ZNF804A: variants seen among roughly 807,000 people sequenced by gnomAD.
The protein encoded by ZNF804A is zinc finger protein 804A.
ZNF804A carries 2 observed loss-of-function variants against 16.5 expected under a neutral mutation model. The ratio of observed to expected loss-of-function variants is 0.12; its 90% CI spans 0.05 to 0.38. The LOEUF (loss-of-function observed/expected upper bound fraction) is 0.38, where lower values mean the gene tolerates loss of function less well. ZNF804A is among the 10% of genes least tolerant of loss of function. The pLI is 0.99. For synonymous variants in ZNF804A, 534 were observed against 489.6 expected (o/e 1.09, Z -1.20); for missense variants, 1,473 against 1,390.7 (o/e 1.06, Z -0.94).
At chr2:184,742,133 GA>G in intron 1 of ZNF804A, among the ~76,000 whole-genome samples, 1 of 151,866 alleles carries the variant, frequency 6.6e-6, no homozygotes, top group Non-Finnish European at 1.5e-5. Flanking sequence ...AGATCATTTT[GA>G]AAAAAGTAAC....
At chr2:184,845,163 T>C (rs1263890356) in intron 1 of ZNF804A, among the ~76,000 whole-genome samples, 2 of 152,254 alleles carry the variant, frequency 1.3e-5, no homozygotes, top group Admixed American at 1.3e-4. Context: ...CATAGTTACA[T>C]TAAATTTTCT....
rs185440132 is a variant in ZNF804A, at chr2:184,704,201, G to A, written c.111+105131G>A. 1.9e-3 allele frequency among the ~76,000 whole-genome samples: 295 copies of A among 151,606 alleles called. 1 individual carries two copies. The highest frequency in any genetic ancestry group is 4.6e-3 in the South Asian group (22 of 4,774). On this transcript the variant is annotated intron_variant, in intron 1 of 3. Transcript: ENST00000302277. ...AGTTTCACTCTTGTTGCCCAGGCTG[G>A]AGTGCAGTGGCGCCATCTCTACTCA...
At chr2:184,671,303 A>G (rs925483927) in intron 1 of ZNF804A, among the ~76,000 whole-genome samples, 2 of 152,206 alleles carry the variant, frequency 1.3e-5, no homozygotes, top group Non-Finnish European at 1.5e-5. Flanking sequence ...GAACCTTTCA[A>G]TAGTTTTATT....
intron 1 of ZNF804A, among the ~76,000 whole-genome samples, chr2:184,662,326 A>G (rs575498940): frequency 6.6e-6 from 1 of 152,330 alleles, no homozygotes; most frequent in South Asian, 2.1e-4. Flanking sequence ...ATGTAATAAT[A>G]GACTATATAC....
At chr2:184,726,914 A>G (rs1419244495) in intron 1 of ZNF804A, among the ~76,000 whole-genome samples, 1 of 151,622 alleles carries the variant, frequency 6.6e-6, no homozygotes, top group Non-Finnish European at 1.5e-5. Flanking sequence ...TGTTTTTAGT[A>G]TAATGCATGT....
At chr2:184,603,295 T>A (rs571524818) in intron 1 of ZNF804A, among the ~76,000 whole-genome samples, 1 of 152,148 alleles carries the variant, frequency 6.6e-6, no homozygotes, top group Non-Finnish European at 1.5e-5. Context: ...TCATTTTGAA[T>A]CTGTTAAAAA....
chr2:184,887,003 T>C (rs1684901996), intron 2 of ZNF804A, among the ~76,000 whole-genome samples: 1 of 152,248 alleles, frequency 6.6e-6, no homozygotes, highest in Admixed American at 6.5e-5. Context: ...AACGAGATTT[T>C]CCTTCCTATC....
chr2:184,720,059 C>A (rs980292933), intron 1 of ZNF804A, among the ~76,000 whole-genome samples: 9 of 152,152 alleles, frequency 5.9e-5, no homozygotes, highest in Admixed American at 5.9e-4. Flanking sequence ...GCCTCATAAT[C>A]ATGGCAGAAA....
At chr2:184,916,107 A>G (rs1177679764) in intron 2 of ZNF804A, among the ~76,000 whole-genome samples, 1 of 152,178 alleles carries the variant, frequency 6.6e-6, no homozygotes, top group African/African-American at 2.4e-5. Flanking sequence ...TTACTTCTCT[A>G]CAAGGTAAAA....
intron 1 of ZNF804A, among the ~76,000 whole-genome samples, chr2:184,611,279 T>A (rs944284515): frequency 1.3e-5 from 2 of 152,164 alleles, no homozygotes; most frequent in African/African-American, 4.8e-5. Context: ...CATATACTTT[T>A]TTTGGGGGAG....
chr2:184,850,611 C>A (rs1274621703), intron 1 of ZNF804A, among the ~76,000 whole-genome samples: 1 of 150,496 alleles, frequency 6.6e-6, no homozygotes, highest in East Asian at 1.9e-4. Context: ...TTTTAACTTT[C>A]TCTCTTAAGA....
intron 1 of ZNF804A, among the ~76,000 whole-genome samples, chr2:184,813,680 C>A (rs544828116): frequency 6.6e-6 from 1 of 151,856 alleles, no homozygotes; most frequent in Non-Finnish European, 1.5e-5. Flanking sequence ...TTTATTTAAC[C>A]ATCTGCCCAG....
At chr2:184,606,699 A>G (rs1347344406) in intron 1 of ZNF804A, among the ~76,000 whole-genome samples, 2 of 152,206 alleles carry the variant, frequency 1.3e-5, no homozygotes, top group Non-Finnish European at 2.9e-5. Context: ...TTTCTGGAGA[A>G]AAAATTCTAC....
intron 1 of ZNF804A, among the ~76,000 whole-genome samples, chr2:184,656,705 CATATATACACAT>C (rs1311761680): frequency 6.6e-5 from 10 of 151,604 alleles, no homozygotes; most frequent in East Asian, 1.9e-4. Flanking sequence ...CACACCCATA[CATATATACACAT>C]ATATATACAC....
intron 1 of ZNF804A, among the ~76,000 whole-genome samples, chr2:184,648,573 T>C (rs186859481): frequency 6.6e-6 from 1 of 152,080 alleles, no homozygotes; most frequent in African/African-American, 2.4e-5. Flanking sequence ...ACCCATAGGC[T>C]CACAGTAAAG....
chr2:184,668,488 A>G lies in ZNF804A; in HGVS notation c.111+69418A>G, dbSNP rs114225977. On this transcript the variant is annotated intron_variant, in intron 1 of 3. Coordinates refer to ENST00000302277, the MANE Select transcript of ZNF804A (RefSeq NM_194250.2). Reference sequence around the variant, plus strand: ...TGAAATAATGTTATTACTTCTCTCCATCAACAAATTAGCAGAAGAAAATGT... The same window carrying G: ...TGAAATAATGTTATTACTTCTCTCCGTCAACAAATTAGCAGAAGAAAATGT... Among the ~76,000 whole-genome samples, 902 of 152,066 alleles carry G rather than the reference A, an allele frequency of 5.9e-3. 17 individuals are homozygous for G. Among genetic ancestry groups the G allele is most frequent in the African/African-American group, 0.02 (839 of 41,552 alleles).
intron 1 of ZNF804A, among the ~76,000 whole-genome samples, chr2:184,859,166 A>G (rs2105807772): frequency 6.6e-6 from 1 of 152,146 alleles, no homozygotes; most frequent in South Asian, 2.1e-4. Context: ...TCAAATTTTG[A>G]AAGTGTCTGC....
intron 1 of ZNF804A, among the ~76,000 whole-genome samples, chr2:184,694,413 T>C (rs937021331): frequency 6.6e-6 from 1 of 152,232 alleles, no homozygotes; most frequent in African/African-American, 2.4e-5. Flanking sequence ...CATTACATAA[T>C]GTATTTTTAT....
chr2:184,926,507 G>C (rs113696648), intron 2 of ZNF804A, among the ~76,000 whole-genome samples: 2,902 of 152,062 alleles, frequency 0.019, 45 homozygotes, highest in Admixed American at 0.051. Flanking sequence ...TCTTCATGGT[G>C]TTCTATAACC....
Sources: gnomAD v4.1 joint callset for allele counts (sites outside exome capture counted in the v4.1 genomes callset) on GRCh38, gnomAD v4.1.1 for gene constraint, MANE v1.5 for transcripts, NCBI Gene and HGNC (gene_info 2026-07-23, HGNC 2026-07-21) for gene names.